Variants in SLC24A2 observed in about 807,000 individuals in gnomAD.
The protein encoded by SLC24A2 is solute carrier family 24 member 2, also known as sodium/potassium/calcium exchanger 2.
In SLC24A2, 36 loss-of-function variants were observed where a neutral mutation model predicts 62.0. The observed-to-expected ratio is 0.58, with a 90% CI of 0.44 to 0.77. The LOEUF is 0.77. Ranked by LOEUF, SLC24A2 falls within the 30% of genes least tolerant of loss-of-function variation. SLC24A2 has a pLI of 0.00. For missense variants in SLC24A2, 846 were observed against 817.9 expected, an observed-to-expected ratio of 1.03 and a Z score of -0.42; for synonymous variants, 358 against 294.0, an observed-to-expected ratio of 1.22 and a Z score of -2.23.
chr9:19,654,388 C>A (rs537527068), intron 2 of SLC24A2, among the ~76,000 whole-genome samples: 13 of 152,270 alleles, frequency 8.5e-5, no homozygotes, highest in African/African-American at 3.1e-4. Context: ...AAACCACAGC[C>A]TTTTCTCCTG....
At chr9:19,757,099 C>T (rs952689166) in intron 2 of SLC24A2, among the ~76,000 whole-genome samples, 3 of 151,578 alleles carry the variant, frequency 2.0e-5, no homozygotes, top group Non-Finnish European at 2.9e-5. Context: ...AACAGAAATG[C>T]CTACCTCAAA....
At chr9:19,698,073 T>G (rs1820244478) in intron 2 of SLC24A2, among the ~76,000 whole-genome samples, 1 of 152,310 alleles carries the variant, frequency 6.6e-6, no homozygotes, top group East Asian at 1.9e-4. Context: ...TTTAAATGAT[T>G]TAAGTTTATT....
intron 2 of SLC24A2, among the ~76,000 whole-genome samples, chr9:19,710,111 A>G (rs1820670281): frequency 6.6e-6 from 1 of 152,106 alleles, no homozygotes; most frequent in African/African-American, 2.4e-5. Context: ...GGTACAGAAG[A>G]AAGATTGGAG....
intron 2 of SLC24A2, among the ~76,000 whole-genome samples, chr9:19,641,821 G>C (rs187344484): frequency 2.6e-3 from 391 of 152,264 alleles, no homozygotes; most frequent in Middle Eastern, 0.01. Context: ...TTCCAGTAGA[G>C]AATGGCACTA....
At chr9:19,694,096 T>TA (rs11394521) in intron 2 of SLC24A2, among the ~76,000 whole-genome samples, 54,774 of 148,670 alleles carry the variant, frequency 0.37, 11,320 homozygotes, top group African/African-American at 0.59. Context: ...TAGGATTCTC[T>TA]AAAAAAAAAA....
the SLC24A2 span, among the ~76,000 whole-genome samples, chr9:20,062,725 T>A: frequency 8.5e-6 from 1 of 117,886 alleles, no homozygotes; most frequent in African/African-American, 3.5e-5. Context: ...TGGGAGAAAA[T>A]TTTCACAACC....
the SLC24A2 span, among the ~76,000 whole-genome samples, chr9:20,206,958 G>C: frequency 6.6e-6 from 1 of 151,324 alleles, no homozygotes; most frequent in African/African-American, 2.4e-5. Context: ...GAGAACTGTT[G>C]ACTTATGCCA....
At chr9:19,892,094 C>T in the SLC24A2 span, among the ~76,000 whole-genome samples, 38 of 152,256 alleles carry the variant, frequency 2.5e-4, 1 homozygote, top group East Asian at 6.4e-3. Flanking sequence ...TTCTTTTTGT[C>T]CCTCCCTTAT....
At chr9:19,727,281 T>C (rs1821199448) in intron 2 of SLC24A2, among the ~76,000 whole-genome samples, 1 of 152,154 alleles carries the variant, frequency 6.6e-6, no homozygotes, top group Non-Finnish European at 1.5e-5. Context: ...ATTTTGATCA[T>C]CACCCATGAA....
the SLC24A2 span, among the ~76,000 whole-genome samples, chr9:20,062,572 T>C: frequency 4.6e-4 from 66 of 142,932 alleles, 1 homozygote; most frequent in South Asian, 0.014. Flanking sequence ...ATTCAGGACA[T>C]AGGCATGGGC....
intron 2 of SLC24A2, among the ~76,000 whole-genome samples, chr9:19,672,676 G>A (rs1819453478): frequency 6.8e-6 from 1 of 146,098 alleles, no homozygotes; most frequent in Admixed American, 6.7e-5. Context: ...ATTTAAGGCT[G>A]TGAATTTTCC....
At chr9:20,073,176 G>T in the SLC24A2 span, among the ~76,000 whole-genome samples, 22 of 152,292 alleles carry the variant, frequency 1.4e-4, no homozygotes, top group East Asian at 3.5e-3. Context: ...TCAAGCTGTT[G>T]TCTGGGGCTG....
the SLC24A2 span, among the ~76,000 whole-genome samples, chr9:19,960,336 C>CATTCT: frequency 3.3e-5 from 5 of 152,134 alleles, no homozygotes; most frequent in Non-Finnish European, 5.9e-5. Context: ...CCTTCCCTTC[C>CATTCT]ATTCTATTCT....
intron 2 of SLC24A2, among the ~76,000 whole-genome samples, chr9:19,707,526 TCCAG>T (rs996759474): frequency 4.6e-5 from 7 of 152,128 alleles, no homozygotes; most frequent in African/African-American, 1.7e-4. Flanking sequence ...GCAAACCAAA[TCCAG>T]CAGCACATCA....
chr9:19,580,182 A>C (rs189652870), intron 5 of SLC24A2, among the ~76,000 whole-genome samples: 1 of 152,334 alleles, frequency 6.6e-6, no homozygotes, highest in East Asian at 1.9e-4. Flanking sequence ...GACCTCTTCA[A>C]CTTCTGCAAC....
chr9:20,166,003 CA>C, the SLC24A2 span, among the ~76,000 whole-genome samples: 2 of 151,680 alleles, frequency 1.3e-5, no homozygotes, highest in South Asian at 2.1e-4. Flanking sequence ...AAAAATTCAC[CA>C]AAAATATGTA....
Position 19,512,750 on chromosome 9 carries a change from G to C in SLC24A2, c.*3403C>G, listed in dbSNP as rs1005615636. 6.6e-6 allele frequency: 1 copy of C among 152,130 alleles called. No individual in the cohort carries two copies. Among genetic ancestry groups the C allele is most frequent in the Non-Finnish European group, 1.5e-5 (1 of 68,032 alleles). 9.4% of individuals were successfully genotyped at this position (152,130 alleles called of 1,614,324 possible). A position where few individuals can be genotyped will look rare whatever the true frequency, so the allele number is the denominator to read the frequency against. ...CAACTCATTTATTTTAGATTGATTA[G>C]TACAATGTTGGCTCTTGAATTGTTG... is the stretch of plus-strand genomic sequence containing the variant. On this transcript the variant is annotated 3_prime_UTR_variant, in exon 11 of 11. Coordinates refer to ENST00000341998, the MANE Select transcript of SLC24A2 (RefSeq NM_020344.4).
At chr9:19,989,027 C>T in the SLC24A2 span, among the ~76,000 whole-genome samples, 1 of 152,072 alleles carries the variant, frequency 6.6e-6, no homozygotes, top group Non-Finnish European at 1.5e-5. Context: ...GTCCTACTTA[C>T]AAATTCTGTG....
At chr9:20,160,683 C>G in the SLC24A2 span, among the ~76,000 whole-genome samples, 2 of 150,900 alleles carry the variant, frequency 1.3e-5, no homozygotes, top group African/African-American at 4.8e-5. Flanking sequence ...AAGGAAAAAT[C>G]AGAAATTACA....
Sources: gnomAD v4.1 joint callset for allele counts (sites outside exome capture counted in the v4.1 genomes callset) on GRCh38, gnomAD v4.1.1 for gene constraint, MANE v1.5 for transcripts, NCBI Gene and HGNC (gene_info 2026-07-23, HGNC 2026-07-21) for gene names.